Variants in GREM2 observed in about 807,000 individuals in gnomAD.
GREM2 encodes gremlin-2.
In GREM2, 11 loss-of-function variants were observed where a neutral mutation model predicts 14.2. The observed-to-expected ratio is 0.78, with a 90% CI of 0.49 to 1.28. GREM2 has a LOEUF of 1.28. Among genes scored for constraint, GREM2 ranks in the 50% most tolerant of loss-of-function variants. GREM2 has a pLI of 0.00. For missense variants in GREM2, 210 were observed against 218.5 expected (o/e 0.96, Z 0.24); for synonymous variants, 98 against 97.6 (o/e 1.00, Z -0.02).
At chr1:240,511,149 A>AGAT (rs1158462747) in intron 1 of GREM2, among the ~76,000 whole-genome samples, 1 of 152,192 alleles carries the variant, frequency 6.6e-6, no homozygotes, top group Non-Finnish European at 1.5e-5. Context: ...TAAGTTAGGT[A>AGAT]TCTAGAAGTA....
chr1:240,521,192 A>G (rs1165137550), intron 1 of GREM2, among the ~76,000 whole-genome samples: 1 of 152,114 alleles, frequency 6.6e-6, no homozygotes, highest in Non-Finnish European at 1.5e-5. Context: ...GAGTGATGGA[A>G]GCAGCTTATA....
Position 240,542,940 on chromosome 1 carries a change from G to A in GREM2, c.-1-49464C>T, listed in dbSNP as rs139202869. On this transcript the variant is annotated intron_variant, in intron 1 of 1. Coordinates refer to ENST00000318160, the MANE Select transcript of GREM2 (RefSeq NM_022469.4). This position sits in a 1 kb window ranked among gnomAD's most constrained non-coding sequence, Gnocchi z 4.1. The stretch of plus-strand genomic sequence containing the variant: ...GAAAGAGCTCTCTCCACTCTTAGAA[G>A]TTCTGTAAGATCCCACCAAAAAATA... Among the ~76,000 whole-genome samples, 108 of 152,274 alleles carry A rather than the reference G, an allele frequency of 7.1e-4. 1 individual carries two copies. Among genetic ancestry groups the A allele is most frequent in the African/African-American group, 2.5e-3 (104 of 41,554 alleles).
intron 1 of GREM2, among the ~76,000 whole-genome samples, chr1:240,559,653 T>C (rs569472021): frequency 6.6e-6 from 1 of 152,226 alleles, no homozygotes; most frequent in Admixed American, 6.5e-5. Context: ...CAAAAAGTCT[T>C]TAAGTATTTA....
intron 1 of GREM2, among the ~76,000 whole-genome samples, chr1:240,556,432 A>C (rs1166467629): frequency 1.3e-5 from 2 of 152,236 alleles, no homozygotes; most frequent in African/African-American, 4.8e-5. Context: ...TCTACTTATT[A>C]GTCTTGCCCT....
chr1:240,534,332 T>G (rs1321874897), intron 1 of GREM2, among the ~76,000 whole-genome samples: 1 of 152,212 alleles, frequency 6.6e-6, no homozygotes, highest in African/African-American at 2.4e-5. Context: ...GATTGGATTT[T>G]ATGTCAATTA....
intron 1 of GREM2, among the ~76,000 whole-genome samples, chr1:240,570,427 A>C (rs185154574): frequency 6.6e-6 from 1 of 152,278 alleles, no homozygotes; most frequent in Non-Finnish European, 1.5e-5. Context: ...GCACCACTGC[A>C]CTCCTGCCTG....
chr1:240,612,038 C>G lies in GREM2; in HGVS notation c.-156G>C, dbSNP rs1211670791. 6.5e-6 allele frequency: 1 copy of G among 152,750 alleles called. No individual in the cohort carries two copies. The highest frequency in any genetic ancestry group is 1.5e-5 in the Non-Finnish European group (1 of 68,120). The allele number at this position is 152,750 out of a possible 1,614,324, so 9.5% of individuals were successfully genotyped here. On this transcript the variant is annotated 5_prime_UTR_variant, in exon 1 of 2. Transcript: ENST00000318160. ...TCGACCGCAGCCAGACTGCAGCAGA[C>G]GCCCATAAGAGAAGCGCGCCGGCTG...
chr1:240,595,928 G>T (rs1220775933), intron 1 of GREM2, among the ~76,000 whole-genome samples: 1 of 152,122 alleles, frequency 6.6e-6, no homozygotes, highest in Non-Finnish European at 1.5e-5. Flanking sequence ...TTGATGATCT[G>T]GTTTCTGGAG....
chr1:240,562,482 A>C (rs935445981), intron 1 of GREM2, among the ~76,000 whole-genome samples: 1 of 152,220 alleles, frequency 6.6e-6, no homozygotes, highest in Non-Finnish European at 1.5e-5. Flanking sequence ...GTGGTGTCAG[A>C]AATCAAAACC....
chr1:240,568,321 C>T (rs1679202681), intron 1 of GREM2, among the ~76,000 whole-genome samples: 1 of 151,528 alleles, frequency 6.6e-6, no homozygotes, highest in African/African-American at 2.4e-5. Context: ...AAGACTAAAA[C>T]AATAACAAAC....
chr1:240,547,566 T>G (rs2103334202), intron 1 of GREM2, among the ~76,000 whole-genome samples: 1 of 149,118 alleles, frequency 6.7e-6, no homozygotes, highest in South Asian at 2.1e-4. Flanking sequence ...GACAGATAGA[T>G]ATGAATGGAA....
At chr1:240,534,429 C>T (rs1678430409) in intron 1 of GREM2, among the ~76,000 whole-genome samples, 1 of 152,170 alleles carries the variant, frequency 6.6e-6, no homozygotes, top group South Asian at 2.1e-4. Context: ...GTGGCTCACG[C>T]CTGTAATCCC....
intron 1 of GREM2, among the ~76,000 whole-genome samples, chr1:240,593,421 T>A (rs927267435): frequency 2.0e-5 from 3 of 151,760 alleles, no homozygotes; most frequent in Non-Finnish European, 4.4e-5. Flanking sequence ...TTTCCACCAG[T>A]TATGAGTTGG....
chr1:240,563,639 A>G (rs1025565994), intron 1 of GREM2, among the ~76,000 whole-genome samples: 1 of 152,182 alleles, frequency 6.6e-6, no homozygotes, highest in Non-Finnish European at 1.5e-5. Context: ...TTAGGTGGTC[A>G]GTGACTGAGT....
At chr1:240,585,621 T>A (rs1679582634) in intron 1 of GREM2, among the ~76,000 whole-genome samples, 2 of 148,048 alleles carry the variant, frequency 1.4e-5, no homozygotes, top group South Asian at 2.1e-4. Context: ...TCCCAGCTAC[T>A]CAGGAGGCTG....
chr1:240,596,543 A>G (rs1679821420), intron 1 of GREM2, among the ~76,000 whole-genome samples: 1 of 152,144 alleles, frequency 6.6e-6, no homozygotes, highest in Non-Finnish European at 1.5e-5. Flanking sequence ...CTAAAAATAC[A>G]AAAATTAGCC....
intron 1 of GREM2, among the ~76,000 whole-genome samples, chr1:240,547,016 G>T (rs1450059569): frequency 6.6e-6 from 1 of 152,188 alleles, no homozygotes; most frequent in Non-Finnish European, 1.5e-5. Flanking sequence ...CGAGAACATT[G>T]TAGGTGGCCT....
chr1:240,549,389 G>A (rs1045714118), intron 1 of GREM2, among the ~76,000 whole-genome samples: 1 of 151,516 alleles, frequency 6.6e-6, no homozygotes. Context: ...ATAGAGAACA[G>A]GAGTAGGGTA....
chr1:240,538,795 T>C (rs1348902162), intron 1 of GREM2, among the ~76,000 whole-genome samples: 1 of 152,212 alleles, frequency 6.6e-6, no homozygotes, highest in African/African-American at 2.4e-5. Flanking sequence ...CTAATACCAA[T>C]TATTTACAAA....
Sources: allele counts gnomAD v4.1 joint callset (sites outside exome capture counted in the v4.1 genomes callset), GRCh38; gene constraint gnomAD v4.1.1; non-coding constraint Gnocchi (gnomAD v3.1); transcripts MANE v1.5; gene names NCBI Gene and HGNC (gene_info 2026-07-23, HGNC 2026-07-21).